ANO2: variants seen among roughly 807,000 people sequenced by gnomAD.
ANO2 encodes the protein anoctamin-2.
ANO2 carries 101 observed loss-of-function variants against 124.2 expected under a neutral mutation model. The ratio of observed to expected loss-of-function variants is 0.81; its 90% confidence interval spans 0.69 to 0.96. The LOEUF (loss-of-function observed/expected upper bound fraction) is 0.96, where lower values mean the gene tolerates loss of function less well. Ranked by LOEUF, ANO2 falls within the 40% of genes least tolerant of loss-of-function variation. ANO2 has a pLI of 0.00. For synonymous variants in ANO2, 486 were observed against 482.5 expected (o/e 1.01, Z -0.09); for missense variants, 1,293 against 1,274.5 (o/e 1.01, Z -0.22).
chr12:5,683,077 C>CTGTATACTGTGCACTCTG (rs779057879), intron 14 of ANO2, among the ~76,000 whole-genome samples: 2 of 152,158 alleles, frequency 1.3e-5, no homozygotes, highest in Non-Finnish European at 2.9e-5. Flanking sequence ...CCAGTAGAGA[C>CTGTATACTGTGCACTCTG]TGTATACTGT....
intron 14 of ANO2, among the ~76,000 whole-genome samples, chr12:5,688,940 C>G (rs904258824): frequency 6.6e-6 from 1 of 151,118 alleles, no homozygotes; most frequent in Non-Finnish European, 1.5e-5. Flanking sequence ...ACAAGAAGTG[C>G]AAGTCTTATG....
intron 3 of ANO2, among the ~76,000 whole-genome samples, chr12:5,876,366 T>C (rs565272367): frequency 6.6e-6 from 1 of 152,222 alleles, no homozygotes; most frequent in African/African-American, 2.4e-5. Flanking sequence ...ATATGAATGC[T>C]TTTACACTGT....
chr12:5,888,330 AG>A (rs936564713), intron 3 of ANO2, among the ~76,000 whole-genome samples: 3 of 152,176 alleles, frequency 2.0e-5, no homozygotes, highest in Non-Finnish European at 2.9e-5. Context: ...GTGGACCCAA[AG>A]AGTGAGCAGC....
intron 10 of ANO2, among the ~76,000 whole-genome samples, chr12:5,754,266 C>T (rs528593639): frequency 1.3e-5 from 2 of 152,176 alleles, no homozygotes; most frequent in South Asian, 4.1e-4. Context: ...AGGAAAAAAA[C>T]CCTTCTTGGT....
intron 5 of ANO2, among the ~76,000 whole-genome samples, chr12:5,831,342 C>G (rs1464105563): frequency 2.0e-5 from 3 of 152,198 alleles, no homozygotes; most frequent in African/African-American, 4.8e-5. Flanking sequence ...GTTGATGAAC[C>G]AGTCTTGAAG....
intron 15 of ANO2, among the ~76,000 whole-genome samples, chr12:5,645,540 G>C (rs1400763963): frequency 1.3e-5 from 2 of 152,040 alleles, no homozygotes; most frequent in African/African-American, 4.8e-5. Context: ...ATTTCTAGCA[G>C]ATAGAGGTTT....
intron 7 of ANO2, among the ~76,000 whole-genome samples, chr12:5,809,964 C>CT (rs1413431104): frequency 6.6e-6 from 1 of 152,216 alleles, no homozygotes; most frequent in Non-Finnish European, 1.5e-5. Flanking sequence ...CATGAAGAAA[C>CT]TTTTACACTC....
intron 10 of ANO2, among the ~76,000 whole-genome samples, chr12:5,766,376 T>C (rs568926864): frequency 6.6e-6 from 1 of 152,168 alleles, no homozygotes; most frequent in African/African-American, 2.4e-5. Flanking sequence ...GCAATGAGAA[T>C]GAACAAACTA....
chr12:5,712,098 C>T (rs1404656163), intron 14 of ANO2, among the ~76,000 whole-genome samples: 2 of 152,144 alleles, frequency 1.3e-5, no homozygotes. Context: ...AACAGAAGCT[C>T]TCAAAGATAG....
chr12:5,612,536 A>T, intron 19 of ANO2, 120 bp downstream of exon 19: 1 of 798,270 alleles, frequency 1.3e-6, no homozygotes. Flanking sequence ...AAATTGACAG[A>T]GAATTAAATC....
chr12:5,834,588 T>C (rs2137222707), intron 4 of ANO2, among the ~76,000 whole-genome samples: 1 of 152,324 alleles, frequency 6.6e-6, no homozygotes, highest in South Asian at 2.1e-4. Context: ...TAATGATAAG[T>C]AAGGACAGGG....
At chr12:5,913,451 G>A (rs547447346) in intron 3 of ANO2, among the ~76,000 whole-genome samples, 13 of 152,310 alleles carry the variant, frequency 8.5e-5, no homozygotes, top group African/African-American at 9.6e-5. Flanking sequence ...GGCGCCACAC[G>A]CTCCTTCTGG....
chr12:5,849,112 T>A (rs995338638), intron 4 of ANO2, among the ~76,000 whole-genome samples: 2 of 152,246 alleles, frequency 1.3e-5, no homozygotes, highest in African/African-American at 2.4e-5. Flanking sequence ...AGTTCTGGCA[T>A]GCTCTGAGGG....
chr12:5,903,086 G>C (rs370640486), intron 3 of ANO2, among the ~76,000 whole-genome samples: 1 of 151,666 alleles, frequency 6.6e-6, no homozygotes, highest in African/African-American at 2.4e-5. Flanking sequence ...AAGGACAAAG[G>C]CTTCTGTCTT....
At chr12:5,820,000 C>A (rs1490872376) in intron 7 of ANO2, among the ~76,000 whole-genome samples, 1 of 152,106 alleles carries the variant, frequency 6.6e-6, no homozygotes, top group African/African-American at 2.4e-5. Context: ...TTATAGGAAG[C>A]CTACTGCATT....
At chr12:5,583,188 C>G (rs1942851665) in intron 20 of ANO2, among the ~76,000 whole-genome samples, 1 of 152,128 alleles carries the variant, frequency 6.6e-6, no homozygotes, top group Non-Finnish European at 1.5e-5. Flanking sequence ...AATGTGTGAC[C>G]TGAGAGCACT....
At chr12:5,628,696 G>GCA (rs1227355303) in intron 16 of ANO2, among the ~76,000 whole-genome samples, 132 of 151,736 alleles carry the variant, frequency 8.7e-4, no homozygotes, top group African/African-American at 3.0e-3. Flanking sequence ...GTGCGCGCGC[G>GCA]CACGCGTGCG....
intron 7 of ANO2, among the ~76,000 whole-genome samples, chr12:5,820,315 G>A (rs1282119560): frequency 6.6e-6 from 1 of 152,126 alleles, no homozygotes; most frequent in African/African-American, 2.4e-5. Flanking sequence ...AGATTTTTGG[G>A]GACTACTGGT....
chr12:5,837,220 G>T (rs1402270792), intron 4 of ANO2, among the ~76,000 whole-genome samples: 1 of 149,938 alleles, frequency 6.7e-6, no homozygotes, highest in Non-Finnish European at 1.5e-5. Context: ...GGGGCCAGGA[G>T]TGCAGCAACC....
Sources: allele counts gnomAD v4.1 joint callset (sites outside exome capture counted in the v4.1 genomes callset), GRCh38; gene constraint gnomAD v4.1.1; transcripts MANE v1.5; gene names NCBI Gene and HGNC (gene_info 2026-07-23, HGNC 2026-07-21).